Variants in ARHGAP24 observed in about 807,000 individuals in gnomAD.
ARHGAP24 encodes the protein Rho GTPase activating protein 24.
In ARHGAP24, 50 loss-of-function variants were observed where a neutral mutation model predicts 76.4. The ratio of observed to expected loss-of-function variants is 0.65; its 90% CI spans 0.52 to 0.83. ARHGAP24 has a LOEUF of 0.83. ARHGAP24 is among the 40% of genes least tolerant of loss of function. ARHGAP24 has a pLI of 0.00. For synonymous variants in ARHGAP24, 345 were observed against 323.3 expected, an observed-to-expected ratio of 1.07 and a Z score of -0.72; for missense variants, 930 against 914.2, an observed-to-expected ratio of 1.02 and a Z score of -0.22.
intron 2 of ARHGAP24, among the ~76,000 whole-genome samples, chr4:85,640,729 T>A (rs1285348906): frequency 6.6e-6 from 1 of 152,180 alleles, no homozygotes; most frequent in Non-Finnish European, 1.5e-5. Flanking sequence ...TTATTTAATA[T>A]GTAATTATCT....
chr4:85,937,940 T>C (rs894004115), intron 4 of ARHGAP24, among the ~76,000 whole-genome samples: 1 of 152,176 alleles, frequency 6.6e-6, no homozygotes, highest in African/African-American at 2.4e-5. Flanking sequence ...AAGGTTTAGA[T>C]TCATCTTTGC....
At chr4:85,528,509 A>G (rs1055546880) in intron 1 of ARHGAP24, among the ~76,000 whole-genome samples, 7 of 151,980 alleles carry the variant, frequency 4.6e-5, no homozygotes, top group African/African-American at 1.7e-4. Context: ...TGTAACAACA[A>G]TATAGGCAAG....
chr4:85,995,693 G>C, intron 9 of ARHGAP24, 36 bp downstream of exon 9: 1 of 1,587,774 alleles, frequency 6.3e-7, no homozygotes, highest in Non-Finnish European at 8.6e-7. Context: ...TACCAGAGAG[G>C]GCTCAGTAGC....
At chr4:85,946,874 G>C (rs1388877659) in intron 5 of ARHGAP24, among the ~76,000 whole-genome samples, 1 of 152,048 alleles carries the variant, frequency 6.6e-6, no homozygotes, top group Admixed American at 6.5e-5. Context: ...GTTGAATAGT[G>C]GTTCAACTCT....
At chr4:85,779,756 GA>G (rs571932674) in intron 3 of ARHGAP24, among the ~76,000 whole-genome samples, 1 of 151,958 alleles carries the variant, frequency 6.6e-6, no homozygotes, top group Admixed American at 6.6e-5. Flanking sequence ...ATGCGGCACA[GA>G]AAAAAATCCC....
chr4:85,957,945 T>C (rs2148838616), intron 5 of ARHGAP24, among the ~76,000 whole-genome samples: 1 of 152,322 alleles, frequency 6.6e-6, no homozygotes, highest in African/African-American at 2.4e-5. Flanking sequence ...AGCTTTGCTT[T>C]CCTTTCAATT....
chr4:85,520,374 T>G (rs1303846613), intron 1 of ARHGAP24, among the ~76,000 whole-genome samples: 2 of 152,088 alleles, frequency 1.3e-5, no homozygotes, highest in African/African-American at 4.8e-5. Flanking sequence ...AACTGAGGTA[T>G]ATTGTCTAAC....
chr4:85,911,269 C>T (rs1425663012), intron 3 of ARHGAP24, among the ~76,000 whole-genome samples: 6 of 152,204 alleles, frequency 3.9e-5, no homozygotes, highest in Admixed American at 2.6e-4. Context: ...GTACCGGGCT[C>T]CACTTGTCCC....
At chr4:85,677,106 T>A (rs1174701656) in intron 2 of ARHGAP24, among the ~76,000 whole-genome samples, 1 of 152,232 alleles carries the variant, frequency 6.6e-6, no homozygotes, top group Non-Finnish European at 1.5e-5. Context: ...TTGAGCAACG[T>A]GGATATCCTC....
intron 4 of ARHGAP24, among the ~76,000 whole-genome samples, chr4:85,938,072 C>T (rs939953757): frequency 6.6e-6 from 1 of 152,306 alleles, no homozygotes; most frequent in South Asian, 2.1e-4. Context: ...CTTACAAACC[C>T]TGAAGGCTGT....
intron 1 of ARHGAP24, among the ~76,000 whole-genome samples, chr4:85,543,543 A>C (rs1341588213): frequency 6.6e-6 from 1 of 152,228 alleles, no homozygotes; most frequent in African/African-American, 2.4e-5. Flanking sequence ...CATTCTGTGA[A>C]TGATAAAACT....
intron 3 of ARHGAP24, among the ~76,000 whole-genome samples, chr4:85,804,152 AT>A (rs1025512688): frequency 2.0e-5 from 3 of 152,036 alleles, no homozygotes; most frequent in African/African-American, 7.2e-5. Flanking sequence ...ATAGAATGGG[AT>A]TGCAGATACA....
At chr4:85,514,067 TA>T (rs1363007686) in intron 1 of ARHGAP24, among the ~76,000 whole-genome samples, 1 of 152,242 alleles carries the variant, frequency 6.6e-6, no homozygotes, top group Non-Finnish European at 1.5e-5. Flanking sequence ...ATGACCCATT[TA>T]AAGATAATTC....
intron 2 of ARHGAP24, among the ~76,000 whole-genome samples, chr4:85,700,728 A>G (rs1329346712): frequency 6.6e-6 from 1 of 152,160 alleles, no homozygotes; most frequent in Non-Finnish European, 1.5e-5. Flanking sequence ...TGAAACGTGA[A>G]CTTATACTGA....
At chr4:85,496,957 G>A (rs555097477) in intron 1 of ARHGAP24, among the ~76,000 whole-genome samples, 1 of 152,372 alleles carries the variant, frequency 6.6e-6, no homozygotes, top group African/African-American at 2.4e-5. Flanking sequence ...AGTGGACAAG[G>A]AAGGAAGTCA....
chr4:86,000,435 A>G, intron 9 of ARHGAP24, 44 bp from the exon 10 acceptor site: 3 of 869,412 alleles, frequency 3.5e-6, no homozygotes, highest in Admixed American at 2.2e-5. Flanking sequence ...TTTATCTCTT[A>G]CTCTTGCGTC....
chr4:85,555,029 T>C (rs1405118373), intron 1 of ARHGAP24, among the ~76,000 whole-genome samples: 2 of 152,158 alleles, frequency 1.3e-5, no homozygotes, highest in Non-Finnish European at 2.9e-5. Context: ...GTATCATATT[T>C]TATTGTAATC....
At chr4:85,506,916 CTTAGAAATG>C (rs993496573) in intron 1 of ARHGAP24, among the ~76,000 whole-genome samples, 17 of 151,770 alleles carry the variant, frequency 1.1e-4, no homozygotes, top group African/African-American at 4.1e-4. Flanking sequence ...CCATGTGGAA[CTTAGAAATG>C]TGATAAAGTA....
At chr4:85,504,316 G>A (rs1303320424) in intron 1 of ARHGAP24, among the ~76,000 whole-genome samples, 2 of 152,154 alleles carry the variant, frequency 1.3e-5, no homozygotes, top group Non-Finnish European at 2.9e-5. Flanking sequence ...CGACAGTGGG[G>A]TGTTAAAGTC....
Sources: gnomAD v4.1 joint callset for allele counts (sites outside exome capture counted in the v4.1 genomes callset) on GRCh38, gnomAD v4.1.1 for gene constraint, MANE v1.5 for transcripts, NCBI Gene and HGNC (gene_info 2026-07-23, HGNC 2026-07-21) for gene names.